IGF2BP3: variants seen among roughly 807,000 people sequenced by gnomAD.
IGF2BP3 encodes the protein insulin-like growth factor 2 mRNA-binding protein 3.
In IGF2BP3, 9 loss-of-function variants were observed where a neutral mutation model predicts 73.8. The ratio of observed to expected loss-of-function variants is 0.12; its 90% CI spans 0.07 to 0.21. The LOEUF (loss-of-function observed/expected upper bound fraction) is 0.21. Among genes scored for constraint, IGF2BP3 ranks in the 10% least tolerant of loss-of-function variants. The pLI, the probability that IGF2BP3 is intolerant of heterozygous loss-of-function variation, is 1.00. For synonymous variants in IGF2BP3, 258 were observed against 256.7 expected (o/e 1.01, Z -0.05); for missense variants, 542 against 714.0 (o/e 0.76, Z 2.75).
At chr7:23,342,614 A>C (rs779219854) in intron 9 of IGF2BP3, among the ~76,000 whole-genome samples, 1 of 152,204 alleles carries the variant, frequency 6.6e-6, no homozygotes, top group Non-Finnish European at 1.5e-5. Flanking sequence ...TGCTGGGTAA[A>C]ACTTAGCAAC....
intron 3 of IGF2BP3, among the ~76,000 whole-genome samples, chr7:23,389,087 G>A (rs925297358): frequency 2.0e-5 from 3 of 151,190 alleles, no homozygotes; most frequent in Non-Finnish European, 2.9e-5. Flanking sequence ...CAATAAAGCT[G>A]TTTTTTAAAA....
chr7:23,445,535 T>C (rs913469549), intron 2 of IGF2BP3, among the ~76,000 whole-genome samples: 1 of 152,186 alleles, frequency 6.6e-6, no homozygotes, highest in Non-Finnish European at 1.5e-5. Context: ...TTTTACTTAG[T>C]TCCTGTGGGT....
chr7:23,352,071 C>T (rs552263011), intron 5 of IGF2BP3, among the ~76,000 whole-genome samples: 5 of 152,180 alleles, frequency 3.3e-5, no homozygotes, highest in African/African-American at 1.2e-4. Context: ...ATTTTAAGAA[C>T]CAGTGGACAA....
chr7:23,352,807 A>G (rs1011269850), intron 5 of IGF2BP3, among the ~76,000 whole-genome samples: 2 of 152,046 alleles, frequency 1.3e-5, no homozygotes, highest in African/African-American at 4.8e-5. Context: ...CCTATTTAAA[A>G]ATTTTATGTA....
At chr7:23,328,320 T>C (rs547390127) in intron 10 of IGF2BP3, among the ~76,000 whole-genome samples, 35 of 152,302 alleles carry the variant, frequency 2.3e-4, no homozygotes, top group Middle Eastern at 3.4e-3. Flanking sequence ...GCGATTCTTC[T>C]GCTTCAGCCT....
chr7:23,433,061 G>A (rs899016020), intron 2 of IGF2BP3, among the ~76,000 whole-genome samples: 21 of 152,142 alleles, frequency 1.4e-4, no homozygotes, highest in African/African-American at 5.1e-4. Context: ...TCTTTCAAAA[G>A]TCTTAATATT....
chr7:23,439,290 C>T (rs1440399273), intron 2 of IGF2BP3, among the ~76,000 whole-genome samples: 1 of 151,850 alleles, frequency 6.6e-6, no homozygotes, highest in African/African-American at 2.4e-5. Context: ...CGGTGGCTCA[C>T]GCCTGTAATC....
chr7:23,348,645 T>C (rs924926267), intron 6 of IGF2BP3, among the ~76,000 whole-genome samples: 2 of 152,154 alleles, frequency 1.3e-5, no homozygotes, highest in Admixed American at 6.5e-5. Flanking sequence ...TTGTGCATTG[T>C]AGGAAATTTA....
intron 10 of IGF2BP3, among the ~76,000 whole-genome samples, chr7:23,331,733 G>A (rs1036300259): frequency 6.6e-6 from 1 of 151,930 alleles, no homozygotes; most frequent in Non-Finnish European, 1.5e-5. Context: ...GGTGGCGTGT[G>A]CCTGTAGTCC....
At chr7:23,340,068 G>A (rs1434078117) in intron 10 of IGF2BP3, among the ~76,000 whole-genome samples, 2 of 152,082 alleles carry the variant, frequency 1.3e-5, no homozygotes, top group African/African-American at 4.8e-5. Flanking sequence ...AACAAATCCA[G>A]AGCCAAGGAG....
At chr7:23,385,623 A>G (rs1186119997) in intron 3 of IGF2BP3, among the ~76,000 whole-genome samples, 1 of 152,090 alleles carries the variant, frequency 6.6e-6, no homozygotes, top group Non-Finnish European at 1.5e-5. Flanking sequence ...GGGTGGGGGG[A>G]AGATAAAAAA....
At chr7:23,423,257 T>C (rs1388466543) in intron 2 of IGF2BP3, among the ~76,000 whole-genome samples, 1 of 152,210 alleles carries the variant, frequency 6.6e-6, no homozygotes, top group Non-Finnish European at 1.5e-5. Flanking sequence ...CCAGCACAGA[T>C]AAATACAAAC....
At chr7:23,406,377 T>G (rs982032834) in intron 3 of IGF2BP3, among the ~76,000 whole-genome samples, 2 of 152,082 alleles carry the variant, frequency 1.3e-5, no homozygotes, top group Non-Finnish European at 2.9e-5. Context: ...TTTCTTCCAG[T>G]GGGTTCTCGG....
intron 3 of IGF2BP3, among the ~76,000 whole-genome samples, chr7:23,378,566 C>CTTGTTTTTTT (rs1785802054): frequency 1.2e-5 from 1 of 80,964 alleles, no homozygotes; most frequent in Non-Finnish European, 2.3e-5. Context: ...CTAATTTTTG[C>CTTGTTTTTTT]TTGTTTTTTT....
At chr7:23,409,064 A>G (rs1014205845) in intron 3 of IGF2BP3, among the ~76,000 whole-genome samples, 2 of 152,208 alleles carry the variant, frequency 1.3e-5, no homozygotes, top group African/African-American at 4.8e-5. Flanking sequence ...AGATCCCTCA[A>G]CGTGTGCAGT....
chr7:23,355,153 G>C (rs1350877019), intron 5 of IGF2BP3, among the ~76,000 whole-genome samples: 3 of 151,906 alleles, frequency 2.0e-5, no homozygotes, highest in African/African-American at 7.3e-5. Flanking sequence ...TATGTATTCA[G>C]TTAAACAGAA....
rs186038254 is a variant in IGF2BP3 at position 23,456,832 on chromosome 7, G to A, written c.236+11650C>T. 4.4e-3 allele frequency among the ~76,000 whole-genome samples: 665 copies of A among 152,006 alleles called. 5 individuals are homozygous for A. The highest frequency in any genetic ancestry group is 0.015 in the African/African-American group (641 of 41,454). On this transcript the variant is annotated intron_variant, in intron 2 of 14. Coordinates refer to ENST00000258729, the MANE Select transcript of IGF2BP3 (RefSeq NM_006547.3). ...TGGGAGGCCGCGGCGAGGGGATCACGAGGTCGAGATCGAGACCATCCTGGC... is the reference window on the plus strand; with the variant it reads ...TGGGAGGCCGCGGCGAGGGGATCACAAGGTCGAGATCGAGACCATCCTGGC...
At chr7:23,431,679 A>G (rs866749558) in intron 2 of IGF2BP3, among the ~76,000 whole-genome samples, 5 of 152,360 alleles carry the variant, frequency 3.3e-5, no homozygotes, top group African/African-American at 1.2e-4. Flanking sequence ...CCGTAAAATA[A>G]AGAGATGTCC....
rs1316937341 is a variant in IGF2BP3, at chr7:23,310,703, T to C, written c.*1659A>G. 6.6e-6 allele frequency: 1 copy of C among 152,222 alleles called. No homozygotes were observed. The highest frequency in any genetic ancestry group is 1.5e-5 in the Non-Finnish European group (1 of 68,038). 9.4% of individuals were successfully genotyped at this position (152,222 alleles called of 1,614,324 possible). A position where few individuals can be genotyped will look rare whatever the true frequency, so the allele number is the denominator to read the frequency against. ...TCAGAGAACATTAAGGAAAACACTT[T>C]AAATCATTTTCAAAATGTCTAATTG... On this transcript the variant is annotated 3_prime_UTR_variant, in exon 15 of 15. Transcript: ENST00000258729.
Sources: gnomAD v4.1 joint callset for allele counts (sites outside exome capture counted in the v4.1 genomes callset) on GRCh38, gnomAD v4.1.1 for gene constraint, MANE v1.5 for transcripts, NCBI Gene and HGNC (gene_info 2026-07-23, HGNC 2026-07-21) for gene names.